L3MBTL4: variants seen among roughly 807,000 people sequenced by gnomAD.
The protein encoded by L3MBTL4 is lethal(3)malignant brain tumor-like protein 4.
In L3MBTL4, 70 loss-of-function variants were observed where a neutral mutation model predicts 84.5. The ratio of observed to expected loss-of-function variants is 0.83; its 90% confidence interval spans 0.68 to 1.01. L3MBTL4 has a LOEUF of 1.01. L3MBTL4 is among the 50% of genes least tolerant of loss of function. The pLI is 0.00. For missense variants in L3MBTL4, 715 were observed against 754.8 expected (o/e 0.95, Z 0.62); for synonymous variants, 274 against 259.8 (o/e 1.05, Z -0.52).
rs146107890 is a variant in L3MBTL4, at chr18:5,978,347, T to C, written c.1445-8785A>G. On this transcript the variant is annotated intron_variant, in intron 16 of 18. Coordinates refer to ENST00000317931, the MANE Select transcript of L3MBTL4 (RefSeq NM_001330559.2). ...TTAGTCATCCAATACAAGACCTCCA[T>C]GCAGCTTATTTTTTGATGGCTAGAG... 8.1e-4 allele frequency among the ~76,000 whole-genome samples: 124 copies of C among 152,338 alleles called. 1 individual carries two copies. Among genetic ancestry groups the C allele is most frequent in the Admixed American group, 4.8e-3 (73 of 15,306 alleles).
chr18:6,118,746 AC>A (rs1171983330), intron 14 of L3MBTL4, among the ~76,000 whole-genome samples: 9 of 152,204 alleles, frequency 5.9e-5, no homozygotes, highest in African/African-American at 1.9e-4. Flanking sequence ...ACCCTTAAAA[AC>A]ATAACATAAA....
At chr18:6,100,882 A>G (rs2058802040) in intron 14 of L3MBTL4, among the ~76,000 whole-genome samples, 1 of 152,198 alleles carries the variant, frequency 6.6e-6, no homozygotes, top group Non-Finnish European at 1.5e-5. Context: ...CTACCACTGG[A>G]TGAGGGCGTA....
At chr18:6,105,808 A>C (rs2058987143) in intron 14 of L3MBTL4, among the ~76,000 whole-genome samples, 1 of 151,972 alleles carries the variant, frequency 6.6e-6, no homozygotes, top group Admixed American at 6.6e-5. Context: ...CTCAAAAAAA[A>C]AAAAAAAAAT....
At chr18:6,088,248 C>T (rs2058325474) in intron 15 of L3MBTL4, among the ~76,000 whole-genome samples, 1 of 152,170 alleles carries the variant, frequency 6.6e-6, no homozygotes, top group South Asian at 2.1e-4. Context: ...CTGGACTGGA[C>T]TTAGCAAGGA....
At chr18:6,138,429 A>G (rs2060097199) in intron 13 of L3MBTL4, 133 bp from the exon 14 acceptor site, 1 of 574,460 alleles carries the variant, frequency 1.7e-6, no homozygotes, top group African/African-American at 1.9e-5. Flanking sequence ...CTTACAGGTG[A>G]CTTACGATGT....
At chr18:6,071,391 T>TA (rs769840156) in intron 16 of L3MBTL4, among the ~76,000 whole-genome samples, 34,874 of 129,808 alleles carry the variant, frequency 0.27, 4,862 homozygotes, top group East Asian at 0.6. Flanking sequence ...CTCTTTCAAT[T>TA]AAAAAAAAAA....
At chr18:6,164,770 G>A (rs1386464127) in intron 13 of L3MBTL4, among the ~76,000 whole-genome samples, 1 of 152,214 alleles carries the variant, frequency 6.6e-6, no homozygotes, top group East Asian at 1.9e-4. Context: ...AAAAATCAGA[G>A]TGCCTCTCCT....
chr18:6,259,784 T>C (rs986986022), intron 5 of L3MBTL4: 1 of 152,152 alleles, frequency 6.6e-6, no homozygotes, highest in Non-Finnish European at 1.5e-5. Context: ...AGAAGCCCTT[T>C]AGTTTAATTA....
At chr18:6,004,597 G>A (rs749121337) in intron 16 of L3MBTL4, among the ~76,000 whole-genome samples, 12 of 152,104 alleles carry the variant, frequency 7.9e-5, no homozygotes, top group East Asian at 1.9e-4. Flanking sequence ...GTAGAAAACC[G>A]AAGAAATCCT....
intron 15 of L3MBTL4, among the ~76,000 whole-genome samples, chr18:6,081,665 C>T (rs2058081287): frequency 6.6e-6 from 1 of 152,032 alleles, no homozygotes; most frequent in Admixed American, 6.6e-5. Flanking sequence ...AACAGCAAGT[C>T]TCTCATTTCA....
At chr18:6,072,858 T>C (rs2057714230) in intron 16 of L3MBTL4, among the ~76,000 whole-genome samples, 1 of 23,306 alleles carries the variant, frequency 4.3e-5, no homozygotes, top group Non-Finnish European at 7.4e-5. Context: ...AGAGAGAGAC[T>C]CCGTCTCAAA....
At chr18:6,048,166 C>G (rs780360306) in intron 16 of L3MBTL4, among the ~76,000 whole-genome samples, 21 of 151,950 alleles carry the variant, frequency 1.4e-4, no homozygotes, top group Admixed American at 3.3e-4. Context: ...AATAAAATAG[C>G]TAGGAGTACC....
At chr18:6,029,115 C>T (rs1288710884) in intron 16 of L3MBTL4, among the ~76,000 whole-genome samples, 1 of 152,112 alleles carries the variant, frequency 6.6e-6, no homozygotes, top group East Asian at 1.9e-4. Flanking sequence ...TTCTTTAACA[C>T]TAAACAAATA....
At chr18:6,077,300 C>T (rs1009536625) in intron 16 of L3MBTL4, among the ~76,000 whole-genome samples, 1 of 152,116 alleles carries the variant, frequency 6.6e-6, no homozygotes, top group African/African-American at 2.4e-5. Context: ...AACCAACATC[C>T]TTTTAACATA....
chr18:6,366,188 C>T (rs76053597), intron 1 of L3MBTL4, among the ~76,000 whole-genome samples: 2,901 of 152,226 alleles, frequency 0.019, 40 homozygotes, highest in Non-Finnish European at 0.028. Flanking sequence ...TTTAATAATT[C>T]CTCCATATAG....
chr18:6,326,327 G>A (rs2051716463), intron 1 of L3MBTL4: 2 of 152,282 alleles, frequency 1.3e-5, no homozygotes, highest in South Asian at 4.1e-4. Context: ...AAGTGATCAA[G>A]AAAGCAGATG....
At chr18:5,958,056 GAGAAGGAGAAGA>G (rs2095238699) in intron 18 of L3MBTL4, among the ~76,000 whole-genome samples, 13 of 130,444 alleles carry the variant, frequency 1.0e-4, no homozygotes, top group African/African-American at 2.7e-4. Context: ...GAAGGAGAAG[GAGAAGGAGAAGA>G]AGAAGAAGAA....
intron 16 of L3MBTL4, among the ~76,000 whole-genome samples, chr18:6,042,302 T>C (rs1187431904): frequency 6.6e-6 from 1 of 152,048 alleles, no homozygotes; most frequent in East Asian, 1.9e-4. Context: ...ACCAGGATCC[T>C]TCCCATTGAC....
chr18:6,183,820 G>C (rs1370111244), intron 12 of L3MBTL4, among the ~76,000 whole-genome samples: 2 of 152,090 alleles, frequency 1.3e-5, no homozygotes, highest in South Asian at 2.1e-4. Context: ...ATAACTCTAA[G>C]TATTCTAAGG....
Sources: gnomAD v4.1 joint callset for allele counts (sites outside exome capture counted in the v4.1 genomes callset) on GRCh38, gnomAD v4.1.1 for gene constraint, MANE v1.5 for transcripts, NCBI Gene and HGNC (gene_info 2026-07-23, HGNC 2026-07-21) for gene names.